Variants in POC5 observed in about 807,000 individuals in gnomAD.
The protein encoded by POC5 is POC5 centriolar protein, also known as centrosomal protein POC5.
A neutral mutation model predicts 62.9 loss-of-function variants in POC5; 48 were observed. The ratio of observed to expected loss-of-function variants is 0.76; its 90% CI spans 0.61 to 0.97. POC5 has a LOEUF of 0.97. Among genes scored for constraint, POC5 ranks in the 50% least tolerant of loss-of-function variants. The pLI, the probability that POC5 is intolerant of heterozygous loss-of-function variation, is 0.00. For missense variants in POC5, 696 were observed against 679.5 expected, an observed-to-expected ratio of 1.02 and a Z score of -0.27; for synonymous variants, 236 against 228.2, an observed-to-expected ratio of 1.03 and a Z score of -0.31.
intron 3 of POC5, among the ~76,000 whole-genome samples, chr5:75,706,018 A>C (rs1165317033): frequency 6.6e-6 from 1 of 152,244 alleles, no homozygotes; most frequent in African/African-American, 2.4e-5. Flanking sequence ...AATATAGATG[A>C]GAGATAATGT....
intron 10 of POC5, among the ~76,000 whole-genome samples, chr5:75,681,405 C>A (rs1173442487): frequency 6.6e-6 from 1 of 152,026 alleles, no homozygotes; most frequent in Non-Finnish European, 1.5e-5. Context: ...AATATTTCCC[C>A]TCAATTATTC....
chr5:75,707,919 T>C, intron 2 of POC5, 44 bp from the exon 3 acceptor site: 2 of 1,467,172 alleles, frequency 1.4e-6, no homozygotes, highest in Non-Finnish European at 1.9e-6. Flanking sequence ...ACAGTTACAA[T>C]GTTATAATAT....
chr5:75,714,196 A>G (rs1435948358), intron 1 of POC5, among the ~76,000 whole-genome samples: 1 of 152,130 alleles, frequency 6.6e-6, no homozygotes, highest in East Asian at 1.9e-4. Flanking sequence ...CCTGGCCAAC[A>G]TGGCGAAACC....
At chr5:75,681,475 A>G (rs1775864713) in intron 10 of POC5, among the ~76,000 whole-genome samples, 1 of 152,126 alleles carries the variant, frequency 6.6e-6, no homozygotes, top group Non-Finnish European at 1.5e-5. Flanking sequence ...GAACTGCAAT[A>G]TGCTTGCTTG....
At chr5:75,716,385 G>T (rs868008548) in intron 1 of POC5, among the ~76,000 whole-genome samples, 2 of 36,830 alleles carry the variant, frequency 5.4e-5, no homozygotes, top group Non-Finnish European at 1.3e-4. Flanking sequence ...AACAGGGGTG[G>T]GGGGGGGGGG....
At position 75,694,726 on chromosome 5, in the gene POC5, G is replaced by C; in HGVS notation, c.619C>G (p.Leu207Val). The change falls in exon 6 of 12, where the codon CTG (leucine) becomes GTG (valine). Residue 207 changes from leucine (L) to valine (V), a missense_variant. By Grantham distance (32) the Leu-to-Val change is conservative (BLOSUM62 1). Coordinates refer to ENST00000428202, the MANE Select transcript of POC5 (RefSeq NM_001099271.2). Reference sequence around the variant, plus strand: ...TTCAATTCATTGATCTGATTACACAGTTGTTTTAAATGTGCTGCATGTTTT... The same window carrying C: ...TTCAATTCATTGATCTGATTACACACTTGTTTTAAATGTGCTGCATGTTTT... Reference protein sequence around the residue: ...KEKHAAHLKQLCNQINELKEL... With the variant: ...KEKHAAHLKQVCNQINELKEL... 6.2e-7 allele frequency: 1 copy of C among 1,604,746 alleles called. No individual in the cohort carries two copies. Among genetic ancestry groups the C allele is most frequent in the Non-Finnish European group, 8.5e-7 (1 of 1,174,094 alleles).
At chr5:75,709,109 C>T (rs1307599815) in intron 2 of POC5, among the ~76,000 whole-genome samples, 6 of 152,144 alleles carry the variant, frequency 3.9e-5, no homozygotes, top group Non-Finnish European at 7.4e-5. Flanking sequence ...GGATTACAGG[C>T]GTGAGCCACT....
intron 5 of POC5, among the ~76,000 whole-genome samples, chr5:75,696,726 C>T (rs1438984967): frequency 1.3e-5 from 2 of 152,000 alleles, no homozygotes; most frequent in Admixed American, 6.6e-5. Context: ...CTTTGACGAG[C>T]TGAGAAGGCT....
In POC5 at chr5:75,685,229, G is replaced by C; in HGVS notation, c.1385C>G (p.Ala462Gly). ...PVSALGAGSA[A>G]TAASEEMYVP... ...AACCATTTCTTCTGATGCAGCAGTA[G>C]CTGCAGATCCTGCACCAAGAGCAGA... is the stretch of plus-strand genomic sequence containing the variant. Residue 462 changes from alanine (A) to glycine (G), a missense_variant, in exon 10 of 12, where the codon GCT (alanine) becomes GGT (glycine). Transcript: ENST00000428202. 6.2e-7 allele frequency: 1 copy of C among 1,613,368 alleles called. No individual in the cohort carries two copies. The highest frequency in any genetic ancestry group is 8.5e-7 in the Non-Finnish European group (1 of 1,179,582).
intron 2 of POC5, 84 bp downstream of exon 2, chr5:75,712,770 A>C: frequency 2.7e-6 from 3 of 1,092,166 alleles, no homozygotes; most frequent in Non-Finnish European, 4.0e-6. Flanking sequence ...TGGATGAAAA[A>C]ATTATTAAAA....
At chr5:75,691,504 T>C (rs550355188) in intron 7 of POC5, among the ~76,000 whole-genome samples, 18 of 152,286 alleles carry the variant, frequency 1.2e-4, no homozygotes, top group Non-Finnish European at 2.4e-4. Flanking sequence ...TTAGGCTATA[T>C]GTATAAGGTG....
chr5:75,705,957 A>C (rs935575321), intron 3 of POC5, among the ~76,000 whole-genome samples, 170 bp from the exon 4 acceptor site: 2 of 152,266 alleles, frequency 1.3e-5, no homozygotes, highest in Admixed American at 1.3e-4. Flanking sequence ...TAAAAATCTG[A>C]GACTAGAAAA....
chr5:75,697,362 C>G (rs992479631), intron 5 of POC5, among the ~76,000 whole-genome samples: 2 of 151,876 alleles, frequency 1.3e-5, no homozygotes, highest in African/African-American at 4.8e-5. Flanking sequence ...GATCTCTCAG[C>G]AGAAACTCTA....
chr5:75,688,958 T>C, intron 9 of POC5, 54 bp downstream of exon 9: 2 of 1,459,176 alleles, frequency 1.4e-6, no homozygotes, highest in South Asian at 1.6e-5. Context: ...ATCACCAAAA[T>C]CTCCTCAAAT....
intron 2 of POC5, among the ~76,000 whole-genome samples, chr5:75,711,294 GA>G (rs1445696848): frequency 6.6e-6 from 1 of 151,230 alleles, no homozygotes; most frequent in African/African-American, 2.4e-5. Flanking sequence ...CCCAAGAGCT[GA>G]ATTGATATGA....
In POC5 at chr5:75,697,053, C is replaced by T. The variant is rs370308425; in HGVS notation, c.514-2222G>A. On this transcript the variant is annotated intron_variant, in intron 5 of 11. Transcript: ENST00000428202. ...AAAGCCTCCAAGAAATATGGGACTA[C>T]GTGAAAAGACCAAATCTACGTCTCA... is the stretch of plus-strand genomic sequence containing the variant. Among the ~76,000 whole-genome samples, 212 of 152,106 alleles carry T rather than the reference C, an allele frequency of 1.4e-3. 1 individual carries two copies. The East Asian group carries it at 0.028, about 20-fold the overall frequency.
At position 75,697,251 on chromosome 5, in the gene POC5, T is replaced by C. The variant is rs552451877; in HGVS notation, c.514-2420A>G. Among the ~76,000 whole-genome samples the C allele has an allele frequency of 9.2e-4, 140 of 152,080 alleles. 1 individual carries two copies. Among genetic ancestry groups the C allele is most frequent in the African/African-American group, 3.3e-3 (136 of 41,456 alleles). Reference sequence around the variant, plus strand: ...AGAAGAGCAACACCAAGACACATAATTGTCAGATTCGCCAAAGTTGAAATG... The same window carrying C: ...AGAAGAGCAACACCAAGACACATAACTGTCAGATTCGCCAAAGTTGAAATG... On this transcript the variant is annotated intron_variant, in intron 5 of 11. Coordinates refer to ENST00000428202, the MANE Select transcript of POC5 (RefSeq NM_001099271.2).
At chr5:75,711,753 A>C (rs72633987) in intron 2 of POC5, among the ~76,000 whole-genome samples, 26,041 of 152,170 alleles carry the variant, frequency 0.17, 2,419 homozygotes, top group South Asian at 0.21. Flanking sequence ...AGGTGGGTAA[A>C]CAATAACACA....
intron 5 of POC5, among the ~76,000 whole-genome samples, chr5:75,698,286 C>T (rs1283006671): frequency 6.7e-6 from 1 of 150,238 alleles, no homozygotes; most frequent in Non-Finnish European, 1.5e-5. Context: ...CACCACACCA[C>T]ACCTATTCCA....
Sources: gnomAD v4.1 joint callset for allele counts (sites outside exome capture counted in the v4.1 genomes callset) on GRCh38, gnomAD v4.1.1 for gene constraint, MANE v1.5 for transcripts, NCBI Gene and HGNC (gene_info 2026-07-23, HGNC 2026-07-21) for gene names.